The following HAS3 variants were observed in gnomAD, a reference collection of about 807,000 sequenced individuals.
The protein encoded by HAS3 is HA synthase 3.
A neutral mutation model predicts 50.3 loss-of-function variants in HAS3; 27 were observed. The observed-to-expected ratio is 0.54, with a 90% CI of 0.40 to 0.74. HAS3 has a LOEUF of 0.74. Ranked by LOEUF, HAS3 falls within the 30% of genes least tolerant of loss-of-function variation. HAS3 has a pLI of 0.00. For missense variants in HAS3, 517 were observed against 742.8 expected (o/e 0.70, Z 3.53); for synonymous variants, 339 against 310.9 (o/e 1.09, Z -0.95).
chr16:69,111,119 A>C (rs1960985091), intron 2 of HAS3, among the ~76,000 whole-genome samples: 1 of 151,154 alleles, frequency 6.6e-6, no homozygotes, highest in Admixed American at 6.6e-5. Context: ...CTTTCAGTAC[A>C]AAGTAGAAAC....
chr16:69,116,706 G>C lies in HAS3; in HGVS notation c.*1440G>C, dbSNP rs1961198564. Reference sequence around the variant, plus strand: ...TGTTTTTGGCTGTTTTCCCTCTGCTGCTTTTGGGGAATGAGGGGAAGCCAT... The same window carrying C: ...TGTTTTTGGCTGTTTTCCCTCTGCTCCTTTTGGGGAATGAGGGGAAGCCAT... On this transcript the variant is annotated 3_prime_UTR_variant, in exon 4 of 4. Transcript: ENST00000569188. The C allele has an allele frequency of 2.0e-6, 2 of 985,318 alleles. No homozygotes were observed. Among genetic ancestry groups the C allele is most frequent in the Non-Finnish European group, 2.4e-6 (2 of 829,970 alleles). 61.0% of individuals were successfully genotyped at this position (985,318 alleles called of 1,614,324 possible). A position where few individuals can be genotyped will look rare whatever the true frequency, so the allele number is the denominator to read the frequency against.
intron 3 of HAS3, among the ~76,000 whole-genome samples, chr16:69,113,863 C>T (rs561487380): frequency 6.6e-6 from 1 of 152,182 alleles, no homozygotes; most frequent in South Asian, 2.1e-4. Flanking sequence ...AAAGTCAGAT[C>T]CTTGAGCAGC....
Position 69,107,305 on chromosome 16 carries a change from G to C in HAS3, c.-1+1518G>C. On this transcript the variant is annotated intron_variant, in intron 1 of 3. Transcript: ENST00000569188. The surrounding 1 kb of genome is among the most constrained non-coding windows in gnomAD (Gnocchi z 5.5). The stretch of plus-strand genomic sequence containing the variant: ...CCTGGGTAATGCCTCTAATTCCTGC[G>C]GGGGAGGGGTCCCGCCCAGGGAAGG... 1 of 979,702 alleles carries C rather than the reference G, an allele frequency of 1.0e-6. No individual in the cohort carries two copies. The highest frequency in any genetic ancestry group is 1.7e-5 in the African/African-American group (1 of 57,246). The allele number at this position is 979,702 out of a possible 1,614,324, so 60.7% of individuals were successfully genotyped here.
At chr16:69,087,267 G>GAT in the HAS3 span, among the ~76,000 whole-genome samples, 1 of 152,192 alleles carries the variant, frequency 6.6e-6, no homozygotes, top group African/African-American at 2.4e-5. Context: ...TACAGGGGAT[G>GAT]GCTCAGCCAC....
upstream of HAS3, among the ~76,000 whole-genome samples, chr16:69,104,901 G>A (rs1377076041): frequency 4.0e-5 from 6 of 151,016 alleles, no homozygotes; most frequent in Non-Finnish European, 7.4e-5. Context: ...ATAGACTGCA[G>A]CTCAGGTGCC....
At chr16:69,102,387 G>A (rs1451489681), upstream of HAS3, among the ~76,000 whole-genome samples, 5 of 152,134 alleles carry the variant, frequency 3.3e-5, no homozygotes, top group Admixed American at 2.6e-4. Context: ...AGATAAACTC[G>A]AGCTTGATTG....
Position 69,116,302 on chromosome 16 carries a change from T to TA in HAS3, c.*1037dup. 1 of 985,802 alleles carries TA rather than the reference T, an allele frequency of 1.0e-6. No individual in the cohort carries two copies. Among genetic ancestry groups the TA allele is most frequent in the East Asian group, 1.1e-4 (1 of 8,816 alleles). The allele number at this position is 985,802 out of a possible 1,614,324, so 61.1% of individuals were successfully genotyped here. On this transcript the variant is annotated 3_prime_UTR_variant, in exon 4 of 4. Coordinates refer to ENST00000569188, the MANE Select transcript of HAS3 (RefSeq NM_001199280.2). ...GCAATTGGGGCGGAGCCCCGGCTCT[T>TA]ATAGAAGCTTCAGCAGGAGGCAAGC...
chr16:69,087,229 A>C, the HAS3 span, among the ~76,000 whole-genome samples: 8 of 151,924 alleles, frequency 5.3e-5, no homozygotes, highest in Admixed American at 2.6e-4. Context: ...TCCTCTTCCC[A>C]GGCCCGCCAT....
At chr16:69,091,585 A>G in the HAS3 span, among the ~76,000 whole-genome samples, 1 of 152,072 alleles carries the variant, frequency 6.6e-6, no homozygotes, top group Non-Finnish European at 1.5e-5. Flanking sequence ...CAGTGTTGAT[A>G]CCATTCTCTA....
rs1226906324 is a variant in HAS3 at position 69,114,389 on chromosome 16, G to A, written c.785G>A (p.Arg262Gln). The stretch of plus-strand genomic sequence containing the variant: ...TGGATTTCCTTCCTGAGCAGCGTGC[G>A]GTACTGGATGGCCTTCAACGTGGAG... ...DSWISFLSSV[R>Q]YWMAFNVERA... The change falls in exon 4 of 4, where the codon CGG becomes CAG. Residue 262 changes from arginine to glutamine, a missense_variant. Coordinates refer to ENST00000569188, the MANE Select transcript of HAS3 (RefSeq NM_001199280.2). This position sits in a 1 kb window ranked among gnomAD's most constrained non-coding sequence, Gnocchi z 6.4. The A allele has an allele frequency of 6.2e-6, 10 of 1,610,032 alleles. No homozygotes were observed. Among genetic ancestry groups the A allele is most frequent in the East Asian group, 2.2e-5 (1 of 44,882 alleles).
At position 69,107,388 on chromosome 16, in the gene HAS3, G is replaced by A; in HGVS notation, c.-1+1601G>A. 2.0e-6 allele frequency: 2 copies of A among 985,404 alleles called. No homozygotes were observed. Among genetic ancestry groups the A allele is most frequent in the Non-Finnish European group, 2.4e-6 (2 of 829,876 alleles). The allele number at this position is 985,404 out of a possible 1,614,324, so 61.0% of individuals were successfully genotyped here. A position where few individuals can be genotyped will look rare whatever the true frequency, so the allele number is the denominator to read the frequency against. On this transcript the variant is annotated intron_variant, in intron 1 of 3. Transcript: ENST00000569188. This position sits in a 1 kb window ranked among gnomAD's most constrained non-coding sequence, Gnocchi z 5.5. ...TCTACAGGCACACTTTGCCAAGGTA[G>A]CTGGGGTACCAGGAAGAGCAGGGCC...
intron 2 of HAS3, among the ~76,000 whole-genome samples, chr16:69,113,048 G>C (rs927771007): frequency 2.0e-5 from 3 of 152,120 alleles, no homozygotes; most frequent in Non-Finnish European, 4.4e-5. Context: ...AATTCTGTGG[G>C]GTCACTTAAG....
chr16:69,114,576 C>T lies in HAS3; in HGVS notation c.972C>T (p.Val324=), dbSNP rs1961117810. 1 of 1,614,008 alleles carries T rather than the reference C, an allele frequency of 6.2e-7. No homozygotes were observed. The highest frequency in any genetic ancestry group is 1.7e-5 in the Admixed American group (1 of 60,004). The stretch of plus-strand genomic sequence containing the variant: ...ATGACCGGCACCTCACCAACCGAGT[C>T]CTGAGCCTTGGCTACCGAACTAAGT... ...FGDDRHLTNR[V]LSLGYRTKYT... Residue 324 remains valine, a synonymous_variant, in exon 4 of 4, where the codon GTC becomes GTT. Transcript: ENST00000569188. This position sits in a 1 kb window ranked among gnomAD's most constrained non-coding sequence, Gnocchi z 6.4.
rs1214123017 is a variant in HAS3, at chr16:69,117,049, G to A, written c.*1783G>A. ...ACAGTTGCCACATCACACAGACCTCGAGTTTCTGGTAAGACTGCTGGTTGA... is the reference window on the plus strand; with the variant it reads ...ACAGTTGCCACATCACACAGACCTCAAGTTTCTGGTAAGACTGCTGGTTGA... On this transcript the variant is annotated 3_prime_UTR_variant, in exon 4 of 4. Transcript: ENST00000569188. The A allele has an allele frequency of 2.0e-6, 2 of 985,434 alleles. No individual in the cohort carries two copies. The highest frequency in any genetic ancestry group is 1.2e-6 in the Non-Finnish European group (1 of 829,936). 61.0% of individuals were successfully genotyped at this position (985,434 alleles called of 1,614,324 possible).
intron 2 of HAS3, among the ~76,000 whole-genome samples, chr16:69,110,294 A>G (rs1171636296): frequency 6.6e-6 from 1 of 152,190 alleles, no homozygotes; most frequent in Non-Finnish European, 1.5e-5. Flanking sequence ...TACTAAAAAT[A>G]TAAAAAATTA....
chr16:69,110,058 G>A (rs745718383), intron 2 of HAS3, 27 bp downstream of exon 2: 2 of 1,576,454 alleles, frequency 1.3e-6, no homozygotes, highest in East Asian at 2.2e-5. Flanking sequence ...AGGAGCGTGT[G>A]TACATGGGGA....
the HAS3 span, among the ~76,000 whole-genome samples, chr16:69,094,114 G>A: frequency 6.6e-6 from 1 of 152,202 alleles, no homozygotes; most frequent in Admixed American, 6.5e-5. Flanking sequence ...CCGGAGCACA[G>A]GAGCACCTCT....
At chr16:69,088,832 G>A in the HAS3 span, among the ~76,000 whole-genome samples, 2 of 152,138 alleles carry the variant, frequency 1.3e-5, no homozygotes, top group Non-Finnish European at 2.9e-5. Context: ...TGAAGTAAGA[G>A]GATCGCTTGT....
intron 3 of HAS3, among the ~76,000 whole-genome samples, 168 bp downstream of exon 3, chr16:69,113,710 C>G (rs1402847487): frequency 6.6e-6 from 1 of 152,208 alleles, no homozygotes; most frequent in Non-Finnish European, 1.5e-5. Context: ...TGCCCAACCC[C>G]TTTCTTGCTC....
Sources: allele counts gnomAD v4.1 joint callset (sites outside exome capture counted in the v4.1 genomes callset), GRCh38; gene constraint gnomAD v4.1.1; non-coding constraint Gnocchi (gnomAD v3.1); transcripts MANE v1.5; gene names NCBI Gene and HGNC (gene_info 2026-07-23, HGNC 2026-07-21).